GPC5: variants seen among roughly 807,000 people sequenced by gnomAD.
The protein encoded by GPC5 is glypican 5, also known as glypican-5.
A neutral mutation model predicts 53.9 loss-of-function variants in GPC5; 47 were observed. That is an observed-to-expected ratio of 0.87 (90% CI 0.69 to 1.11). GPC5 has a LOEUF of 1.11. Ranked by LOEUF, GPC5 falls within the 50% of genes most tolerant of loss-of-function variation. The pLI, the probability that GPC5 is intolerant of heterozygous loss-of-function variation, is 0.00. For synonymous variants in GPC5, 286 were observed against 263.3 expected (o/e 1.09, Z -0.84); for missense variants, 748 against 713.1 (o/e 1.05, Z -0.56).
At chr13:91,793,179 G>C (rs2037995069) in intron 5 of GPC5, among the ~76,000 whole-genome samples, 1 of 152,148 alleles carries the variant, frequency 6.6e-6, no homozygotes, top group Non-Finnish European at 1.5e-5. Context: ...ATGGTGGAAG[G>C]GGAGGCAAAC....
rs529956230 is a variant in GPC5, at chr13:91,639,078, G to C, written c.326-54109G>C. 2.0e-5 allele frequency among the ~76,000 whole-genome samples: 3 copies of C among 152,238 alleles called. No homozygotes were observed. The South Asian group carries it at 6.2e-4, about 32-fold the overall frequency. On this transcript the variant is annotated intron_variant, in intron 2 of 7. Transcript: ENST00000377067. Reference sequence around the variant, plus strand: ...AACTTTACCTTATTTTATTTTAGTGGGTAATATGTTAAATTTAGAAAAAAT... The same window carrying C: ...AACTTTACCTTATTTTATTTTAGTGCGTAATATGTTAAATTTAGAAAAAAT...
At chr13:92,018,235 A>G (rs1432161841) in intron 6 of GPC5, among the ~76,000 whole-genome samples, 2 of 152,280 alleles carry the variant, frequency 1.3e-5, no homozygotes, top group African/African-American at 2.4e-5. Context: ...AAATTGTTTC[A>G]GCATCCAATT....
At chr13:91,933,286 T>C (rs1023058458) in intron 6 of GPC5, among the ~76,000 whole-genome samples, 2 of 151,954 alleles carry the variant, frequency 1.3e-5, no homozygotes, top group Admixed American at 1.3e-4. Flanking sequence ...TTATTCCTAC[T>C]GTTGTTTTAA....
intron 2 of GPC5, among the ~76,000 whole-genome samples, chr13:91,506,857 T>A (rs1468029307): frequency 6.6e-6 from 1 of 152,160 alleles, no homozygotes; most frequent in South Asian, 2.1e-4. Context: ...ACTATTTGAT[T>A]ATTATGGTGA....
At chr13:92,166,957 C>CT (rs1566465866) in intron 7 of GPC5, among the ~76,000 whole-genome samples, 1,231 of 62,816 alleles carry the variant, frequency 0.02, 8 homozygotes, top group African/African-American at 0.056. Context: ...CTCTCTCTCT[C>CT]ACACACACAC....
Position 91,693,566 on chromosome 13 carries a change from C to T in GPC5, c.705C>T (p.Val235=), listed in dbSNP as rs1453442915. 1 of 1,614,080 alleles carries T rather than the reference C, an allele frequency of 6.2e-7. No homozygotes were observed. The highest frequency in any genetic ancestry group is 1.1e-5 in the South Asian group (1 of 91,072). Residue 235 remains valine, a synonymous_variant, in exon 3 of 8, where the codon GTC becomes GTT. Transcript: ENST00000377067. ...FLQALNLGIE[V]INTTDYLHFS... ...AGGCACTCAATCTGGGCATTGAAGT[C>T]ATCAACACCACAGACTATCTGCACT...
At chr13:92,708,233 C>T (rs1358293279) in intron 7 of GPC5, among the ~76,000 whole-genome samples, 1 of 152,090 alleles carries the variant, frequency 6.6e-6, no homozygotes, top group Non-Finnish European at 1.5e-5. Flanking sequence ...TATTTGCAAT[C>T]CATAGCTTTT....
chr13:91,553,454 C>A (rs2030765291), intron 2 of GPC5, among the ~76,000 whole-genome samples: 2 of 152,024 alleles, frequency 1.3e-5, no homozygotes, highest in African/African-American at 4.8e-5. Flanking sequence ...TAGAAATGAA[C>A]CTAGTGCAGT....
intron 7 of GPC5, among the ~76,000 whole-genome samples, chr13:92,258,035 G>T (rs2042739982): frequency 6.6e-6 from 1 of 152,034 alleles, no homozygotes; most frequent in African/African-American, 2.4e-5. Flanking sequence ...TGATTACATT[G>T]CTCATTAATT....
At chr13:91,638,977 A>C (rs2034352935) in intron 2 of GPC5, among the ~76,000 whole-genome samples, 1 of 152,250 alleles carries the variant, frequency 6.6e-6, no homozygotes. Flanking sequence ...TAAAGAAAGT[A>C]AAGATAAATG....
chr13:92,098,735 C>T (rs140065039), intron 6 of GPC5, among the ~76,000 whole-genome samples: 14 of 152,216 alleles, frequency 9.2e-5, no homozygotes, highest in African/African-American at 2.9e-4. Flanking sequence ...GTGAGTCCAA[C>T]GTAATCACAA....
At chr13:92,195,990 A>C (rs999715333) in intron 7 of GPC5, among the ~76,000 whole-genome samples, 4 of 152,306 alleles carry the variant, frequency 2.6e-5, no homozygotes, top group Admixed American at 2.6e-4. Flanking sequence ...TTGGCATGGA[A>C]CTGCCAAGAC....
chr13:92,788,258 G>A (rs1163272733), intron 7 of GPC5, among the ~76,000 whole-genome samples: 2 of 151,806 alleles, frequency 1.3e-5, no homozygotes, highest in African/African-American at 2.4e-5. Flanking sequence ...TAAAAAAAAA[G>A]ATCAACAAGG....
chr13:92,304,932 GA>G (rs1269961952), intron 7 of GPC5, among the ~76,000 whole-genome samples: 1 of 152,136 alleles, frequency 6.6e-6, no homozygotes, highest in African/African-American at 2.4e-5. Flanking sequence ...CCCTAAAAGT[GA>G]TGTGAAGTGT....
chr13:92,473,542 G>A (rs1163442250), intron 7 of GPC5, among the ~76,000 whole-genome samples: 2 of 152,008 alleles, frequency 1.3e-5, no homozygotes, highest in African/African-American at 4.8e-5. Flanking sequence ...ACAGATTGAG[G>A]ATTTTATTTT....
chr13:91,933,189 T>C (rs1043339547), intron 6 of GPC5, among the ~76,000 whole-genome samples: 3 of 152,066 alleles, frequency 2.0e-5, no homozygotes, highest in Admixed American at 6.6e-5. Context: ...GAGGAATTTC[T>C]AGTCTGTTCT....
chr13:92,833,762 G>A lies in GPC5; in HGVS notation c.1562-32520G>A, dbSNP rs151011335. On this transcript the variant is annotated intron_variant, in intron 7 of 7. Coordinates refer to ENST00000377067, the MANE Select transcript of GPC5 (RefSeq NM_004466.6). ...ACAGACAGCCTCACAGGTTGGCAAG[G>A]GTAAAAGATGAGAGAGGGAAGGTGA... Among the ~76,000 whole-genome samples, 906 of 152,242 alleles carry A rather than the reference G, an allele frequency of 6.0e-3. 11 individuals carry two copies. Among genetic ancestry groups the A allele is most frequent in the African/African-American group, 0.021 (866 of 41,546 alleles).
At chr13:92,319,155 G>GA (rs1320407038) in intron 7 of GPC5, among the ~76,000 whole-genome samples, 3 of 152,082 alleles carry the variant, frequency 2.0e-5, no homozygotes, top group Admixed American at 6.5e-5. Flanking sequence ...CTTTGAGTCA[G>GA]AAAAAACTGT....
chr13:91,876,570 G>A (rs1301605600), intron 5 of GPC5, among the ~76,000 whole-genome samples: 2 of 152,088 alleles, frequency 1.3e-5, no homozygotes, highest in African/African-American at 2.4e-5. Flanking sequence ...AATGATTTAG[G>A]GTATCTGGTG....
Sources: allele counts gnomAD v4.1 joint callset (sites outside exome capture counted in the v4.1 genomes callset), GRCh38; gene constraint gnomAD v4.1.1; transcripts MANE v1.5; gene names NCBI Gene and HGNC (gene_info 2026-07-23, HGNC 2026-07-21).